The following TNS3 variants were observed in gnomAD, a reference collection of about 807,000 sequenced individuals.
TNS3 encodes the protein tensin-3.
Under a neutral mutation model 140.9 loss-of-function variants are expected in TNS3, and 45 were observed. The ratio of observed to expected loss-of-function variants is 0.32; its 90% CI spans 0.25 to 0.41. The LOEUF is 0.41. Ranked by LOEUF, TNS3 falls within the 10% of genes least tolerant of loss-of-function variation. The pLI, the probability that TNS3 is intolerant of heterozygous loss-of-function variation, is 1.00. For missense variants in TNS3, 1,716 were observed against 1,906.7 expected (o/e 0.90, Z 1.86); for synonymous variants, 815 against 788.4 (o/e 1.03, Z -0.56).
chr7:47,414,171 C>T (rs1380096379), intron 11 of TNS3, among the ~76,000 whole-genome samples, 174 bp from the exon 12 acceptor site: 1 of 152,100 alleles, frequency 6.6e-6, no homozygotes, highest in Non-Finnish European at 1.5e-5. Context: ...AGGCCGGACC[C>T]GGTCCTAGAA....
intron 4 of TNS3, among the ~76,000 whole-genome samples, chr7:47,479,407 G>A (rs1797328919): frequency 6.6e-6 from 1 of 152,158 alleles, no homozygotes; most frequent in Non-Finnish European, 1.5e-5. Flanking sequence ...ACAAGCCTGA[G>A]GAAATCAGTC....
chr7:47,429,778 A>G (rs1277638701), intron 8 of TNS3, among the ~76,000 whole-genome samples: 15 of 152,346 alleles, frequency 9.8e-5, no homozygotes. Flanking sequence ...TCTTGAGAAG[A>G]AACTACTGAT....
At chr7:47,449,124 T>C (rs1367060338) in intron 4 of TNS3, among the ~76,000 whole-genome samples, 1 of 152,236 alleles carries the variant, frequency 6.6e-6, no homozygotes, top group Non-Finnish European at 1.5e-5. Context: ...ACAGAATCTC[T>C]ACTGCCCAGG....
chr7:47,474,497 A>T (rs1022018424), intron 4 of TNS3, among the ~76,000 whole-genome samples: 1 of 151,274 alleles, frequency 6.6e-6, no homozygotes, highest in Non-Finnish European at 1.5e-5. Context: ...CACAACACAG[A>T]CATGTACACA....
At chr7:47,517,425 A>C (rs1157365332) in intron 2 of TNS3, among the ~76,000 whole-genome samples, 1 of 152,156 alleles carries the variant, frequency 6.6e-6, no homozygotes, top group Non-Finnish European at 1.5e-5. Flanking sequence ...CTCGTCGGGA[A>C]AGGGAAGGGG....
chr7:47,498,909 A>C (rs980402270), intron 3 of TNS3, among the ~76,000 whole-genome samples: 2 of 152,240 alleles, frequency 1.3e-5, no homozygotes, highest in African/African-American at 2.4e-5. Flanking sequence ...GCAGAGCCCC[A>C]CAGGGCAAGG....
chr7:47,517,228 T>C (rs753767755), intron 2 of TNS3, among the ~76,000 whole-genome samples: 19 of 152,042 alleles, frequency 1.2e-4, no homozygotes, highest in Admixed American at 2.0e-4. Flanking sequence ...AACCTTGCAA[T>C]AGAAACCCTG....
intron 15 of TNS3, among the ~76,000 whole-genome samples, chr7:47,397,997 C>G (rs993756962): frequency 1.3e-5 from 2 of 152,024 alleles, no homozygotes; most frequent in Admixed American, 6.6e-5. Context: ...AACATTACAA[C>G]CAGCACGAAA....
At chr7:47,483,375 G>T (rs1367686755) in intron 3 of TNS3, among the ~76,000 whole-genome samples, 1 of 152,082 alleles carries the variant, frequency 6.6e-6, no homozygotes, top group South Asian at 2.1e-4. Context: ...TTCACTGTGT[G>T]AGCCAGGATA....
intron 4 of TNS3, among the ~76,000 whole-genome samples, chr7:47,443,031 A>G (rs558921833): frequency 4.1e-4 from 63 of 152,336 alleles, no homozygotes; most frequent in African/African-American, 1.5e-3. Context: ...CCTAGCGCCA[A>G]TTCCAAAACC....
chr7:47,539,551 T>C (rs532133734), intron 1 of TNS3: 4 of 193,074 alleles, frequency 2.1e-5, no homozygotes, highest in African/African-American at 9.3e-5. Flanking sequence ...GTCCTTCTGC[T>C]CTGCGCCCTT....
intron 13 of TNS3, among the ~76,000 whole-genome samples, chr7:47,406,440 T>C (rs1793453259): frequency 6.6e-6 from 1 of 152,202 alleles, no homozygotes; most frequent in Non-Finnish European, 1.5e-5. Flanking sequence ...ACTGTGATCT[T>C]TGCCAGTAAG....
rs918056088 is a variant in TNS3, at chr7:47,521,614, C to T, written c.-153+7422G>A. Among the ~76,000 whole-genome samples, 6 of 152,174 alleles carry T rather than the reference C, an allele frequency of 3.9e-5. No homozygotes were observed. The South Asian group carries it at 6.2e-4, about 16-fold the overall frequency. On this transcript the variant is annotated intron_variant, in intron 2 of 30. Transcript: ENST00000311160. ...AAAGGGCAGATGCTAGGGGACACAG[C>T]GGCAGGGCAGGGAGGCACCTTCCTG...
intron 1 of TNS3, among the ~76,000 whole-genome samples, chr7:47,538,607 G>A (rs944563068): frequency 6.6e-6 from 1 of 152,140 alleles, no homozygotes; most frequent in Non-Finnish European, 1.5e-5. Flanking sequence ...ACTGGCTGAC[G>A]TTAACCTCTC....
chr7:47,276,403 C>T lies in TNS3; in HGVS notation c.*1673G>A, dbSNP rs964021537. 1 of 152,510 alleles carries T rather than the reference C, an allele frequency of 6.6e-6. No individual in the cohort carries two copies. The highest frequency in any genetic ancestry group is 1.5e-5 in the Non-Finnish European group (1 of 68,216). 9.4% of individuals were successfully genotyped at this position (152,510 alleles called of 1,614,324 possible). A position where few individuals can be genotyped will look rare whatever the true frequency, so the allele number is the denominator to read the frequency against. ...TGTTTCTAAGTTTTCCTCGGCCCCT[C>T]ACTTTAAAGCAGAGTTCACAAAGCA... On this transcript the variant is annotated 3_prime_UTR_variant, in exon 31 of 31. Coordinates refer to ENST00000311160, the MANE Select transcript of TNS3 (RefSeq NM_022748.12).
intron 2 of TNS3, among the ~76,000 whole-genome samples, chr7:47,511,048 G>A (rs1042041280): frequency 2.0e-5 from 3 of 152,184 alleles, no homozygotes; most frequent in African/African-American, 4.8e-5. Context: ...TGTCCAGTGC[G>A]TGGTGTTCCA....
intron 3 of TNS3, among the ~76,000 whole-genome samples, chr7:47,496,745 C>A (rs1798023200): frequency 6.6e-6 from 1 of 152,186 alleles, no homozygotes. Flanking sequence ...GAAATCACAT[C>A]AGAAGTCCAA....
chr7:47,330,275 C>T (rs1175824063), intron 20 of TNS3, among the ~76,000 whole-genome samples: 1 of 152,118 alleles, frequency 6.6e-6, no homozygotes, highest in South Asian at 2.1e-4. Context: ...CCCCACCAGC[C>T]GGCAATGCCA....
intron 3 of TNS3, among the ~76,000 whole-genome samples, chr7:47,484,048 C>T (rs1797524068): frequency 6.6e-6 from 1 of 152,230 alleles, no homozygotes; most frequent in Non-Finnish European, 1.5e-5. Flanking sequence ...TTCTGCAGAG[C>T]AAATGGCAGG....
Sources: allele counts gnomAD v4.1 joint callset (sites outside exome capture counted in the v4.1 genomes callset), GRCh38; gene constraint gnomAD v4.1.1; transcripts MANE v1.5; gene names NCBI Gene and HGNC (gene_info 2026-07-23, HGNC 2026-07-21).